MACROD2: variants seen among roughly 807,000 people sequenced by gnomAD.
MACROD2 encodes the protein mono-ADP ribosylhydrolase 2, also known as ADP-ribose glycohydrolase MACROD2.
A neutral mutation model predicts 70.4 loss-of-function variants in MACROD2; 36 were observed. The ratio of observed to expected loss-of-function variants is 0.51; its 90% CI spans 0.39 to 0.68. MACROD2 has a LOEUF of 0.68. MACROD2 is among the 30% of genes least tolerant of loss of function. The probability of loss-of-function intolerance (pLI) is 0.00; values close to 1 mark genes in which losing one functional copy is unlikely to be tolerated. For missense variants in MACROD2, 496 were observed against 538.4 expected, an observed-to-expected ratio of 0.92 and a Z score of 0.78; for synonymous variants, 172 against 178.8, an observed-to-expected ratio of 0.96 and a Z score of 0.30.
At chr20:14,891,135 A>G (rs1166325914) in intron 5 of MACROD2, among the ~76,000 whole-genome samples, 1 of 151,486 alleles carries the variant, frequency 6.6e-6, no homozygotes, top group Non-Finnish European at 1.5e-5. Context: ...GATATTGTTG[A>G]CAGTATGATT....
intron 8 of MACROD2, among the ~76,000 whole-genome samples, chr20:15,685,157 C>T (rs914164855): frequency 6.6e-6 from 1 of 152,054 alleles, no homozygotes; most frequent in African/African-American, 2.4e-5. Context: ...TGTTCTGCAT[C>T]GAGTGAAATA....
intron 6 of MACROD2, among the ~76,000 whole-genome samples, chr20:15,235,727 G>A (rs1265506440): frequency 6.6e-6 from 1 of 152,126 alleles, no homozygotes; most frequent in African/African-American, 2.4e-5. Context: ...TTCCATTACA[G>A]GCCACATCAA....
chr20:14,766,299 T>C (rs935331927), intron 5 of MACROD2, among the ~76,000 whole-genome samples: 1 of 152,078 alleles, frequency 6.6e-6, no homozygotes, highest in African/African-American at 2.4e-5. Context: ...CTAAGTTATT[T>C]ATTTACTCTG....
intron 3 of MACROD2, among the ~76,000 whole-genome samples, chr20:14,492,196 C>G (rs779425491): frequency 1.3e-5 from 2 of 152,102 alleles, no homozygotes; most frequent in African/African-American, 2.4e-5. Flanking sequence ...ACTTGCAGAC[C>G]TGAGTGATAC....
intron 3 of MACROD2, among the ~76,000 whole-genome samples, chr20:14,417,413 CAG>C (rs1421631172): frequency 2.6e-5 from 4 of 152,132 alleles, no homozygotes; most frequent in Non-Finnish European, 5.9e-5. Context: ...ATTAGCCAGA[CAG>C]AAAATGATAG....
intron 15 of MACROD2, among the ~76,000 whole-genome samples, chr20:16,004,151 G>A (rs992093817): frequency 1.2e-4 from 19 of 152,116 alleles, no homozygotes; most frequent in African/African-American, 4.6e-4. Context: ...GAGACACAGG[G>A]CATTACCTGT....
chr20:15,671,733 G>T (rs1359809929), intron 8 of MACROD2, among the ~76,000 whole-genome samples: 1 of 152,172 alleles, frequency 6.6e-6, no homozygotes, highest in Non-Finnish European at 1.5e-5. Flanking sequence ...TGTGGATCAG[G>T]TTCTCTGCTT....
At chr20:15,645,979 A>C (rs2049534858) in intron 8 of MACROD2, among the ~76,000 whole-genome samples, 2 of 152,174 alleles carry the variant, frequency 1.3e-5, no homozygotes, top group African/African-American at 2.4e-5. Context: ...ATATTATGCA[A>C]ATATCAAAAG....
chr20:14,522,282 T>C (rs2085177784), intron 4 of MACROD2, among the ~76,000 whole-genome samples: 1 of 152,154 alleles, frequency 6.6e-6, no homozygotes, highest in Non-Finnish European at 1.5e-5. Context: ...TGTAGTCAAC[T>C]GCTGAAAATA....
At chr20:15,909,213 A>C (rs2065195428) in intron 10 of MACROD2, among the ~76,000 whole-genome samples, 1 of 152,302 alleles carries the variant, frequency 6.6e-6, no homozygotes, top group African/African-American at 2.4e-5. Context: ...CTCTCCATGT[A>C]ATCTACCAGC....
chr20:15,146,687 C>T (rs1265566627), intron 5 of MACROD2, among the ~76,000 whole-genome samples: 1 of 152,078 alleles, frequency 6.6e-6, no homozygotes, highest in East Asian at 1.9e-4. Flanking sequence ...ATATGACGAA[C>T]TTCATCTGTA....
chr20:14,320,597 C>A lies in MACROD2; in HGVS notation c.272-172882C>A, dbSNP rs190410551. Among the ~76,000 whole-genome samples the A allele has an allele frequency of 7.3e-4, 111 of 151,828 alleles. 6 individuals carry two copies. In the East Asian group the frequency reaches 0.013, roughly 18 times the overall value. ...TCATGGACCCTGTATTTCAGTTGGA[C>A]TATTGGCCTTTATCCAAACACCTCC... On this transcript the variant is annotated intron_variant, in intron 3 of 17. Coordinates refer to ENST00000684519, the MANE Select transcript of MACROD2 (RefSeq NM_001351661.2).
At chr20:14,387,396 G>T (rs2083480438) in intron 3 of MACROD2, among the ~76,000 whole-genome samples, 1 of 152,066 alleles carries the variant, frequency 6.6e-6, no homozygotes, top group South Asian at 2.1e-4. Flanking sequence ...TCTTTGTCAT[G>T]TGTGGTCACT....
chr20:15,698,841 TTC>T (rs1365685149), intron 8 of MACROD2, among the ~76,000 whole-genome samples: 1 of 152,180 alleles, frequency 6.6e-6, no homozygotes, highest in Non-Finnish European at 1.5e-5. Flanking sequence ...AGCTCTGGAT[TTC>T]TTTCTTCTAC....
At chr20:14,126,134 C>G (rs1209126783) in intron 3 of MACROD2, among the ~76,000 whole-genome samples, 1 of 152,120 alleles carries the variant, frequency 6.6e-6, no homozygotes, top group South Asian at 2.1e-4. Flanking sequence ...AAAAAGAAAA[C>G]TTTATTTTCT....
At chr20:14,969,887 A>G (rs1293500449) in intron 5 of MACROD2, among the ~76,000 whole-genome samples, 1 of 152,142 alleles carries the variant, frequency 6.6e-6, no homozygotes, top group Non-Finnish European at 1.5e-5. Context: ...AATAACCATT[A>G]ATGTTCACAT....
chr20:14,252,310 C>A (rs908265752), intron 3 of MACROD2, among the ~76,000 whole-genome samples: 1 of 151,896 alleles, frequency 6.6e-6, no homozygotes, highest in South Asian at 2.1e-4. Flanking sequence ...ACTGTTCCCC[C>A]CTAATAATTA....
At chr20:15,475,693 TC>T (rs2146442915) in intron 7 of MACROD2, among the ~76,000 whole-genome samples, 1 of 152,332 alleles carries the variant, frequency 6.6e-6, no homozygotes, top group South Asian at 2.1e-4. Flanking sequence ...CCCGTTAGTG[TC>T]AGCATGTGCT....
chr20:15,449,576 T>C (rs1244796532), intron 7 of MACROD2, among the ~76,000 whole-genome samples: 1 of 152,196 alleles, frequency 6.6e-6, no homozygotes, highest in East Asian at 1.9e-4. Flanking sequence ...TATATAAGCC[T>C]ATAAATATAA....
Sources: gnomAD v4.1 joint callset for allele counts (sites outside exome capture counted in the v4.1 genomes callset) on GRCh38, gnomAD v4.1.1 for gene constraint, MANE v1.5 for transcripts, NCBI Gene and HGNC (gene_info 2026-07-23, HGNC 2026-07-21) for gene names.